SLC25A31: variants seen among roughly 807,000 people sequenced by gnomAD.
SLC25A31 encodes ADP/ATP translocase 4.
In SLC25A31, 40 loss-of-function variants were observed where a neutral mutation model predicts 36.2. The observed-to-expected ratio is 1.10, with a 90% CI of 0.86 to 1.44. SLC25A31 has a LOEUF of 1.44. Among genes scored for constraint, SLC25A31 ranks in the 40% most tolerant of loss-of-function variants. The pLI is 0.00. For synonymous variants in SLC25A31, 143 were observed against 149.7 expected, an observed-to-expected ratio of 0.96 and a Z score of 0.32; for missense variants, 350 against 397.1, an observed-to-expected ratio of 0.88 and a Z score of 1.01.
intron 1 of SLC25A31, among the ~76,000 whole-genome samples, chr4:127,740,570 G>C (rs1488775063): frequency 6.6e-6 from 1 of 152,246 alleles, no homozygotes; most frequent in Non-Finnish European, 1.5e-5. Context: ...CAGGAGAGCA[G>C]ATGGTCAGAA....
At chr4:127,758,501 T>C (rs1050495586) in intron 2 of SLC25A31, among the ~76,000 whole-genome samples, 1 of 152,362 alleles carries the variant, frequency 6.6e-6, no homozygotes, top group Admixed American at 6.5e-5. Flanking sequence ...TTTTTGTTTT[T>C]GTTGCATTTG....
chr4:127,767,204 C>A lies in SLC25A31; in HGVS notation c.617C>A (p.Ala206Asp). ...IIVYRASYFG[A>D]YDTVKGLLPK... ...GTGTACCGAGCCTCTTATTTTGGAGCTTATGACACAGTTAAGGTAATCTGG... is the reference window on the plus strand; with the variant it reads ...GTGTACCGAGCCTCTTATTTTGGAGATTATGACACAGTTAAGGTAATCTGG... The change falls in exon 4 of 6, where the codon GCT becomes GAT. Residue 206 changes from alanine (A) to aspartate (D), a missense_variant. Physicochemically the swap from Ala to Asp is moderately radical, Grantham distance 126. Transcript: ENST00000281154. 6.3e-7 allele frequency: 1 copy of A among 1,599,290 alleles called. No homozygotes were observed. The highest frequency in any genetic ancestry group is 1.1e-5 in the South Asian group (1 of 87,950).
intron 2 of SLC25A31, among the ~76,000 whole-genome samples, chr4:127,755,400 G>A (rs992258392): frequency 1.3e-5 from 2 of 152,134 alleles, no homozygotes; most frequent in African/African-American, 4.8e-5. Context: ...TCTGACAAAG[G>A]GGCTAATATA....
chr4:127,733,589 T>C (rs754757491), intron 1 of SLC25A31, among the ~76,000 whole-genome samples: 6 of 152,240 alleles, frequency 3.9e-5, no homozygotes, highest in Admixed American at 1.3e-4. Context: ...TGAATCGTTA[T>C]AAGTAGAGGC....
At chr4:127,753,586 A>G (rs899624880) in intron 2 of SLC25A31, among the ~76,000 whole-genome samples, 1 of 152,188 alleles carries the variant, frequency 6.6e-6, no homozygotes, top group Non-Finnish European at 1.5e-5. Flanking sequence ...CCTGGAAGAA[A>G]TGGATAAATT....
At chr4:127,754,599 T>G (rs1405036717) in intron 2 of SLC25A31, among the ~76,000 whole-genome samples, 1 of 149,292 alleles carries the variant, frequency 6.7e-6, no homozygotes, top group Admixed American at 6.7e-5. Flanking sequence ...ATCCATATAC[T>G]GAAAAGTTTA....
At position 127,743,745 on chromosome 4, in the gene SLC25A31, T is replaced by C. The variant is rs979388327; in HGVS notation, c.233-927T>C. Reference sequence around the variant, plus strand: ...CCAAGATTATTTTTTCCCACAGGGTTAATGTTACTTATTTAACAAATAATT... The same window carrying C: ...CCAAGATTATTTTTTCCCACAGGGTCAATGTTACTTATTTAACAAATAATT... On this transcript the variant is annotated intron_variant, in intron 1 of 5. Coordinates refer to ENST00000281154, the MANE Select transcript of SLC25A31 (RefSeq NM_031291.4). 2.2e-4 allele frequency among the ~76,000 whole-genome samples: 33 copies of C among 152,374 alleles called. 1 individual carries two copies. The highest frequency in any genetic ancestry group is 7.7e-4 in the African/African-American group (32 of 41,598).
At position 127,758,220 on chromosome 4, in the gene SLC25A31, A is replaced by T. The variant is rs1247129564; in HGVS notation, c.361-6023A>T. On this transcript the variant is annotated intron_variant, in intron 2 of 5. Transcript: ENST00000281154. ...CAAGTTGAGATTTCGGTGAGGACAC[A>T]GCCAAACCATATCAGTGATGTTGAA... 3.3e-5 allele frequency among the ~76,000 whole-genome samples: 5 copies of T among 152,176 alleles called. No homozygotes were observed. In the East Asian group the frequency reaches 9.6e-4, roughly 29 times the overall value.
chr4:127,735,518 G>A lies in SLC25A31; in HGVS notation c.232+4741G>A, dbSNP rs190659571. ...TAGTTATTTGCTACCTGTCTCCCTGGTCCCTCCCTCTTAAGATGTAAGCTC... is the reference window on the plus strand; with the variant it reads ...TAGTTATTTGCTACCTGTCTCCCTGATCCCTCCCTCTTAAGATGTAAGCTC... On this transcript the variant is annotated intron_variant, in intron 1 of 5. Coordinates refer to ENST00000281154, the MANE Select transcript of SLC25A31 (RefSeq NM_031291.4). Among the ~76,000 whole-genome samples, 3 of 151,592 alleles carry A rather than the reference G, an allele frequency of 2.0e-5. 1 individual carries two copies. The highest frequency in any genetic ancestry group is 1.3e-4 in the Admixed American group (2 of 15,236).
chr4:127,748,443 T>C (rs1731862999), intron 2 of SLC25A31, among the ~76,000 whole-genome samples: 1 of 152,090 alleles, frequency 6.6e-6, no homozygotes, highest in Non-Finnish European at 1.5e-5. Context: ...ACCAAGTCAG[T>C]ACTCCCTTCC....
At chr4:127,753,441 A>G (rs966919763) in intron 2 of SLC25A31, among the ~76,000 whole-genome samples, 2 of 152,180 alleles carry the variant, frequency 1.3e-5, no homozygotes, top group African/African-American at 4.8e-5. Context: ...AGGACTAAAA[A>G]TAAGTCTCAT....
rs764305704 is a variant in SLC25A31, at chr4:127,768,788, G to A, written c.670G>A (p.Val224Ile). Residue 224 changes from valine (V) to isoleucine (I), a missense_variant, in exon 5 of 6, where the codon GTC becomes ATC. Physicochemically the swap from Val to Ile is conservative, Grantham distance 29 (BLOSUM62 3). Transcript: ENST00000281154. Reference sequence around the variant, plus strand: ...AAAGCCAAAGAAAACTCCATTTCTTGTCTCCTTTTTCATTGCTCAAGTTGT... The same window carrying A: ...AAAGCCAAAGAAAACTCCATTTCTTATCTCCTTTTTCATTGCTCAAGTTGT... ...LPKPKKTPFL[V>I]SFFIAQVVTT... The A allele has an allele frequency of 3.1e-6, 5 of 1,607,624 alleles. No homozygotes were observed. In the South Asian group the frequency reaches 4.5e-5, roughly 14 times the overall value.
chr4:127,766,957 AT>A lies in SLC25A31; in HGVS notation c.479-106del, dbSNP rs1168788832. 48 of 955,444 alleles carry A rather than the reference AT, an allele frequency of 5.0e-5. No homozygotes were observed. In the African/African-American group the frequency reaches 7.5e-4, roughly 15 times the overall value. The allele number at this position is 955,444 out of a possible 1,614,324, so 59.2% of individuals were successfully genotyped here. ...TTTTGATTTGTGCCTTCTTTGTTAGATTTGTAAGTGGGAATTTCAGATCATT... is the reference window on the plus strand; with the variant it reads ...TTTTGATTTGTGCCTTCTTTGTTAGATTGTAAGTGGGAATTTCAGATCATT... On this transcript the variant is annotated intron_variant, in intron 3 of 5. Transcript: ENST00000281154.
intron 3 of SLC25A31, 50 bp downstream of exon 3, chr4:127,764,410 A>G (rs1167748022): frequency 6.8e-6 from 10 of 1,460,368 alleles, no homozygotes; most frequent in South Asian, 1.2e-5. Flanking sequence ...ATTTTGAACC[A>G]TCTGTTATTT....
intron 2 of SLC25A31, among the ~76,000 whole-genome samples, chr4:127,760,220 T>C (rs1732101851): frequency 6.6e-6 from 1 of 152,244 alleles, no homozygotes; most frequent in South Asian, 2.1e-4. Flanking sequence ...TCTCTCTGTA[T>C]ATTACTCCTT....
At chr4:127,733,637 A>G (rs1731571443) in intron 1 of SLC25A31, among the ~76,000 whole-genome samples, 1 of 152,190 alleles carries the variant, frequency 6.6e-6, no homozygotes, top group Admixed American at 6.5e-5. Context: ...GTCATGACCT[A>G]CCAACTTCCT....
At chr4:127,752,605 A>T (rs1731956685) in intron 2 of SLC25A31, among the ~76,000 whole-genome samples, 1 of 152,182 alleles carries the variant, frequency 6.6e-6, no homozygotes, top group Admixed American at 6.5e-5. Flanking sequence ...TGGAAATTTA[A>T]AAAGAGCAGA....
intron 2 of SLC25A31, among the ~76,000 whole-genome samples, chr4:127,752,047 G>A (rs1293687164): frequency 6.6e-6 from 1 of 152,032 alleles, no homozygotes; most frequent in Non-Finnish European, 1.5e-5. Context: ...AATAACATTT[G>A]ACCCAGCCAT....
At chr4:127,770,487 G>A (rs560327077) in intron 5 of SLC25A31, among the ~76,000 whole-genome samples, 14 of 152,028 alleles carry the variant, frequency 9.2e-5, no homozygotes, top group South Asian at 2.1e-4. Flanking sequence ...TTAGCCAGGC[G>A]TGGTGGCGGG....
Sources: gnomAD v4.1 joint callset for allele counts (sites outside exome capture counted in the v4.1 genomes callset) on GRCh38, gnomAD v4.1.1 for gene constraint, MANE v1.5 for transcripts, NCBI Gene and HGNC (gene_info 2026-07-23, HGNC 2026-07-21) for gene names.